The following SLC22A23 variants were observed in gnomAD, a reference collection of about 807,000 sequenced individuals.
The protein encoded by SLC22A23 is solute carrier family 22 member 23, also known as ion transporter protein.
A neutral mutation model predicts 61.0 loss-of-function variants in SLC22A23; 26 were observed. The ratio of observed to expected loss-of-function variants is 0.43; its 90% CI spans 0.31 to 0.59. SLC22A23 has a LOEUF of 0.59. Among genes scored for constraint, SLC22A23 ranks in the 20% least tolerant of loss-of-function variants. The pLI, the probability that SLC22A23 is intolerant of heterozygous loss-of-function variation, is 0.11. For synonymous variants in SLC22A23, 430 were observed against 413.9 expected (o/e 1.04, Z -0.47); for missense variants, 796 against 934.7 (o/e 0.85, Z 1.94).
In SLC22A23 at chr6:3,330,573, G is replaced by T. The variant is rs73720505; in HGVS notation, c.914-6571C>A. Among the ~76,000 whole-genome samples, 1 of 152,218 alleles carries T rather than the reference G, an allele frequency of 6.6e-6. No homozygotes were observed. Among genetic ancestry groups the T allele is most frequent in the Admixed American group, 6.5e-5 (1 of 15,290 alleles). Reference sequence around the variant, plus strand: ...AATAATTACTGCCACAGGCAAGGACGCATGGCCCCCAGAATCCTGGAAAAT... The same window carrying T: ...AATAATTACTGCCACAGGCAAGGACTCATGGCCCCCAGAATCCTGGAAAAT... On this transcript the variant is annotated intron_variant, in intron 3 of 9. Coordinates refer to ENST00000406686, the MANE Select transcript of SLC22A23 (RefSeq NM_015482.2). This position sits in a 1 kb window ranked among gnomAD's most constrained non-coding sequence, Gnocchi z 4.7.
chr6:3,339,435 C>T (rs1354510916), intron 3 of SLC22A23, among the ~76,000 whole-genome samples: 9 of 152,196 alleles, frequency 5.9e-5, no homozygotes. Context: ...ATGTCAGAGG[C>T]ATGTGAGCCA....
In SLC22A23 at chr6:3,304,445, G is replaced by T. The variant is rs1271119389; in HGVS notation, c.1083-6227C>A. The stretch of plus-strand genomic sequence containing the variant: ...TTCAAGGATATTACTGTTTACAAAG[G>T]CGTGGTGTGACCTTAGGATTTAAGA... On this transcript the variant is annotated intron_variant, in intron 4 of 9. Coordinates refer to ENST00000406686, the MANE Select transcript of SLC22A23 (RefSeq NM_015482.2). The surrounding 1 kb of genome is among the most constrained non-coding windows in gnomAD (Gnocchi z 4.3). 5.3e-5 allele frequency among the ~76,000 whole-genome samples: 8 copies of T among 152,184 alleles called. No homozygotes were observed. Among genetic ancestry groups the T allele is most frequent in the African/African-American group, 1.9e-4 (8 of 41,422 alleles).
chr6:3,423,266 G>C (rs193101919), intron 1 of SLC22A23, among the ~76,000 whole-genome samples: 2 of 149,888 alleles, frequency 1.3e-5, no homozygotes, highest in Admixed American at 1.3e-4. Context: ...GATTATCTCT[G>C]AGGGAAAAAT....
At chr6:3,338,086 G>A (rs1045506545) in intron 3 of SLC22A23, among the ~76,000 whole-genome samples, 3 of 152,128 alleles carry the variant, frequency 2.0e-5, no homozygotes, top group Admixed American at 1.3e-4. Context: ...AAATAGCCCC[G>A]TCTTCCATCA....
intron 9 of SLC22A23, among the ~76,000 whole-genome samples, chr6:3,278,561 G>A (rs1189477035): frequency 6.6e-6 from 1 of 152,218 alleles, no homozygotes; most frequent in African/African-American, 2.4e-5. Context: ...CAACAGGCAC[G>A]TGCTGTTTGT....
In SLC22A23 at chr6:3,427,895, G is replaced by A. The variant is rs940656964; in HGVS notation, c.655-12040C>T. Among the ~76,000 whole-genome samples the A allele has an allele frequency of 2.2e-4, 33 of 152,302 alleles. No individual in the cohort carries two copies. Among genetic ancestry groups the A allele is most frequent in the Middle Eastern group, 3.4e-3 (1 of 294 alleles). On this transcript the variant is annotated intron_variant, in intron 1 of 9. Coordinates refer to ENST00000406686, the MANE Select transcript of SLC22A23 (RefSeq NM_015482.2). This position sits in a 1 kb window ranked among gnomAD's most constrained non-coding sequence, Gnocchi z 4.3. ...CTGTGCAGGCTGGCTCCCGGCCCCCGCCCTCTGGTCGGGAGAGGAAGAAGG... is the reference window on the plus strand; with the variant it reads ...CTGTGCAGGCTGGCTCCCGGCCCCCACCCTCTGGTCGGGAGAGGAAGAAGG...
Position 3,410,196 on chromosome 6 carries a change from T to C in SLC22A23, c.905A>G (p.Tyr302Cys), listed in dbSNP as rs767904075. The change falls in exon 3 of 10, where the codon TAT (tyrosine) becomes TGT (cysteine). Residue 302 changes from tyrosine (Y) to cysteine (C), a missense_variant. By Grantham distance (194) the Tyr-to-Cys change is radical (BLOSUM62 -2). Coordinates refer to ENST00000406686, the MANE Select transcript of SLC22A23 (RefSeq NM_015482.2). The surrounding 1 kb of genome is among the most constrained non-coding windows in gnomAD (Gnocchi z 5.0). ...FCLAGIILTLYALRIELCPPG... is the reference protein window; with the variant it reads ...FCLAGIILTLCALRIELCPPG... Reference sequence around the variant, plus strand: ...TGAAGGCTCCTACTTACGTAAAGCATACAAGGTGAGAATGATTCCAGCCAG... The same window carrying C: ...TGAAGGCTCCTACTTACGTAAAGCACACAAGGTGAGAATGATTCCAGCCAG... 2.5e-6 allele frequency: 4 copies of C among 1,612,082 alleles called. No individual in the cohort carries two copies. The highest frequency in any genetic ancestry group is 3.4e-5 in the Admixed American group (2 of 59,450).
At chr6:3,393,184 C>T (rs1045052915) in intron 3 of SLC22A23, among the ~76,000 whole-genome samples, 11 of 152,166 alleles carry the variant, frequency 7.2e-5, no homozygotes, top group Non-Finnish European at 1.3e-4. Flanking sequence ...TCCACCTGAG[C>T]AGCGGGGGTG....
intron 3 of SLC22A23, among the ~76,000 whole-genome samples, chr6:3,357,849 G>A (rs544554149): frequency 3.3e-4 from 51 of 152,318 alleles, no homozygotes; most frequent in Admixed American, 2.2e-3. Flanking sequence ...GACACAGATG[G>A]GGTTCTGTGC....
At position 3,298,978 on chromosome 6, in the gene SLC22A23, C is replaced by CA. The variant is rs56373817; in HGVS notation, c.1083-761dup. ...TGGGCGACAGAGCGAGACTCCGTCT[C>CA]AAAAAAAAAAAAAAAAAATGTTCCC... On this transcript the variant is annotated intron_variant, in intron 4 of 9. Transcript: ENST00000406686. Among the ~76,000 whole-genome samples the CA allele has an allele frequency of 7.5e-3, 777 of 104,020 alleles. 11 individuals are homozygous for CA. The highest frequency in any genetic ancestry group is 0.019 in the African/African-American group (426 of 22,836). 68.2% of individuals were successfully genotyped at this position (104,020 alleles called of 152,430 possible). A position where few individuals can be genotyped will look rare whatever the true frequency, so the allele number is the denominator to read the frequency against.
At chr6:3,278,843 G>A (rs1581587742) in intron 9 of SLC22A23, among the ~76,000 whole-genome samples, 1 of 152,192 alleles carries the variant, frequency 6.6e-6, no homozygotes, top group East Asian at 1.9e-4. Flanking sequence ...AACCTCCCAG[G>A]TTTCTGCCTG....
chr6:3,277,795 C>T (rs9501976), intron 9 of SLC22A23, among the ~76,000 whole-genome samples: 1 of 152,366 alleles, frequency 6.6e-6, no homozygotes, highest in South Asian at 2.1e-4. Flanking sequence ...TGTGCGCTGG[C>T]CCTCAAGGTA....
chr6:3,296,125 T>C (rs1404494099), intron 5 of SLC22A23, among the ~76,000 whole-genome samples: 1 of 152,044 alleles, frequency 6.6e-6, no homozygotes, highest in Non-Finnish European at 1.5e-5. Flanking sequence ...CACAAACAAA[T>C]TGTACTGTAA....
At chr6:3,404,817 C>A (rs1261794254) in intron 3 of SLC22A23, among the ~76,000 whole-genome samples, 1 of 152,126 alleles carries the variant, frequency 6.6e-6, no homozygotes, top group Non-Finnish European at 1.5e-5. Flanking sequence ...GAAATTTACT[C>A]CTTTGCTTTT....
intron 3 of SLC22A23, among the ~76,000 whole-genome samples, chr6:3,355,496 T>A (rs1218153305): frequency 6.6e-6 from 1 of 152,130 alleles, no homozygotes; most frequent in Non-Finnish European, 1.5e-5. Context: ...ATAGATATTT[T>A]CCCTCTTACC....
Position 3,328,127 on chromosome 6 carries a change from T to G in SLC22A23, c.914-4125A>C, listed in dbSNP as rs1235178711. On this transcript the variant is annotated intron_variant, in intron 3 of 9. Coordinates refer to ENST00000406686, the MANE Select transcript of SLC22A23 (RefSeq NM_015482.2). This position sits in a 1 kb window ranked among gnomAD's most constrained non-coding sequence, Gnocchi z 5.0. Reference sequence around the variant, plus strand: ...AACCGTTACTTTTCCCCTAACACCTTAATGAAGAATGCTTACAAGCTACTC... The same window carrying G: ...AACCGTTACTTTTCCCCTAACACCTGAATGAAGAATGCTTACAAGCTACTC... Among the ~76,000 whole-genome samples, 1 of 151,424 alleles carries G rather than the reference T, an allele frequency of 6.6e-6. No homozygotes were observed. The highest frequency in any genetic ancestry group is 2.4e-5 in the African/African-American group (1 of 41,154).
At chr6:3,287,627 C>T (rs1004042706) in intron 6 of SLC22A23, among the ~76,000 whole-genome samples, 1 of 151,588 alleles carries the variant, frequency 6.6e-6, no homozygotes, top group Non-Finnish European at 1.5e-5. Context: ...CTGGAGGAGT[C>T]GGGCAGAAGC....
intron 3 of SLC22A23, among the ~76,000 whole-genome samples, chr6:3,409,571 CTCT>C (rs1377128071): frequency 6.6e-6 from 1 of 152,190 alleles, no homozygotes; most frequent in African/African-American, 2.4e-5. Flanking sequence ...ACGCCTAAAA[CTCT>C]TCTTCTCCTT....
At chr6:3,355,645 C>T (rs1341155254) in intron 3 of SLC22A23, among the ~76,000 whole-genome samples, 1 of 152,118 alleles carries the variant, frequency 6.6e-6, no homozygotes, top group Non-Finnish European at 1.5e-5. Context: ...AGCCCCACTC[C>T]CAGGCTCCAG....
Sources: allele counts gnomAD v4.1 joint callset (sites outside exome capture counted in the v4.1 genomes callset), GRCh38; gene constraint gnomAD v4.1.1; non-coding constraint Gnocchi (gnomAD v3.1); transcripts MANE v1.5; gene names NCBI Gene and HGNC (gene_info 2026-07-23, HGNC 2026-07-21).